ASCC3: variants seen among roughly 807,000 people sequenced by gnomAD.
The protein encoded by ASCC3 is activating signal cointegrator 1 complex subunit 3.
In ASCC3, 158 loss-of-function variants were observed where a neutral mutation model predicts 256.3. The observed-to-expected ratio is 0.62, with a 90% CI of 0.54 to 0.70. The LOEUF (loss-of-function observed/expected upper bound fraction) is 0.70. Among genes scored for constraint, ASCC3 ranks in the 30% least tolerant of loss-of-function variants. The pLI is 0.00. For synonymous variants in ASCC3, 948 were observed against 883.4 expected, an observed-to-expected ratio of 1.07 and a Z score of -1.30; for missense variants, 2,259 against 2,626.0, an observed-to-expected ratio of 0.86 and a Z score of 3.05.
chr6:100,693,618 A>G (rs2114988032), intron 13 of ASCC3, among the ~76,000 whole-genome samples: 1 of 152,278 alleles, frequency 6.6e-6, no homozygotes, highest in East Asian at 1.9e-4. Flanking sequence ...ACCAAAAGGG[A>G]AAACTGCTGA....
intron 10 of ASCC3, among the ~76,000 whole-genome samples, chr6:100,727,118 T>G (rs1182416753): frequency 2.0e-5 from 3 of 152,132 alleles, no homozygotes; most frequent in African/African-American, 7.2e-5. Context: ...TACACTATTT[T>G]GTTTTCTACA....
At chr6:100,698,978 T>C (rs147115579) in intron 13 of ASCC3, among the ~76,000 whole-genome samples, 3 of 152,214 alleles carry the variant, frequency 2.0e-5, no homozygotes, top group African/African-American at 7.2e-5. Context: ...GGTGAGGCCA[T>C]GGGAATAGGG....
intron 36 of ASCC3, among the ~76,000 whole-genome samples, chr6:100,581,104 G>A (rs10872597): frequency 0.064 from 9,763 of 152,074 alleles, 742 homozygotes; most frequent in East Asian, 0.3. Context: ...CCCAGTAATG[G>A]GATGGCTGGG....
intron 4 of ASCC3, among the ~76,000 whole-genome samples, chr6:100,810,867 A>C (rs1403529271): frequency 6.6e-6 from 1 of 152,186 alleles, no homozygotes; most frequent in Non-Finnish European, 1.5e-5. Flanking sequence ...TAAGATTCCT[A>C]AAAAGCTGAT....
intron 4 of ASCC3, among the ~76,000 whole-genome samples, chr6:100,834,816 T>C (rs143586145): frequency 5.7e-4 from 87 of 152,240 alleles, no homozygotes; most frequent in Admixed American, 1.4e-3. Flanking sequence ...AAATTGGTAA[T>C]TGAAGTTGGT....
rs756777385 is a variant in ASCC3 at position 100,540,193 on chromosome 6, T to C, written c.5745A>G (p.Thr1915=). Residue 1915 remains threonine (T), a synonymous_variant, in exon 37 of 42, where the codon ACA becomes ACG. Coordinates refer to ENST00000369162, the MANE Select transcript of ASCC3 (RefSeq NM_006828.4). Reference sequence around the variant, plus strand: ...ATACTCTGAGAGCTTGGTCCAAGACTGTTTTGGTATCAGTGTCATAATCTG... The same window carrying C: ...ATACTCTGAGAGCTTGGTCCAAGACCGTTTTGGTATCAGTGTCATAATCTG... ...PCPDYDTDTK[T]VLDQALRVCQ... 2.5e-6 allele frequency: 4 copies of C among 1,614,144 alleles called. No homozygotes were observed. Among genetic ancestry groups the C allele is most frequent in the Admixed American group, 3.3e-5 (2 of 60,026 alleles).
At chr6:100,808,523 T>A (rs1044571656) in intron 4 of ASCC3, among the ~76,000 whole-genome samples, 1 of 151,974 alleles carries the variant, frequency 6.6e-6, no homozygotes, top group Non-Finnish European at 1.5e-5. Context: ...AAACCAAAAA[T>A]ATATATCATA....
At chr6:100,562,830 T>A (rs942009080) in intron 36 of ASCC3, among the ~76,000 whole-genome samples, 2 of 152,068 alleles carry the variant, frequency 1.3e-5, no homozygotes, top group African/African-American at 4.8e-5. Flanking sequence ...TTGATAGATA[T>A]CAAATTTCCA....
intron 24 of ASCC3, among the ~76,000 whole-genome samples, chr6:100,640,155 G>A (rs115801242): frequency 0.015 from 2,269 of 152,028 alleles, 43 homozygotes; most frequent in African/African-American, 0.052. Context: ...AGAGAAGGAA[G>A]GAGGGGAGGC....
In ASCC3 at chr6:100,572,734, T is replaced by C. The variant is rs149291064; in HGVS notation, c.5550+16900A>G. Among the ~76,000 whole-genome samples the C allele has an allele frequency of 7.9e-5, 12 of 152,280 alleles. No individual in the cohort carries two copies. The East Asian group carries it at 1.7e-3, about 22-fold the overall frequency. ...ATTTTTGTCCTAATCTGTGTTAACATAGTTGTTGTTGTTGTTGTTTAAAGT... is the reference window on the plus strand; with the variant it reads ...ATTTTTGTCCTAATCTGTGTTAACACAGTTGTTGTTGTTGTTGTTTAAAGT... On this transcript the variant is annotated intron_variant, in intron 36 of 41. Coordinates refer to ENST00000369162, the MANE Select transcript of ASCC3 (RefSeq NM_006828.4).
In ASCC3 at chr6:100,527,815, T is replaced by TAC. The variant is rs549353641; in HGVS notation, c.5776-9675_5776-9674dup. On this transcript the variant is annotated intron_variant, in intron 37 of 41. Coordinates refer to ENST00000369162, the MANE Select transcript of ASCC3 (RefSeq NM_006828.4). ...ACTCTACTGTGTGTATCCATAGATA[T>TAC]ACACACACATCTTCTTTGTTTTTTT... 9.5e-4 allele frequency among the ~76,000 whole-genome samples: 144 copies of TAC among 152,138 alleles called. 1 individual carries two copies. The highest frequency in any genetic ancestry group is 1.8e-3 in the Non-Finnish European group (120 of 67,996).
intron 8 of ASCC3, among the ~76,000 whole-genome samples, chr6:100,794,845 C>T (rs2114318801): frequency 6.6e-6 from 1 of 152,042 alleles, no homozygotes; most frequent in Non-Finnish European, 1.5e-5. Context: ...AATCTAAGTC[C>T]TAACTGTGGA....
At chr6:100,867,034 A>G (rs1396795674) in intron 2 of ASCC3, among the ~76,000 whole-genome samples, 1 of 152,246 alleles carries the variant, frequency 6.6e-6, no homozygotes, top group Non-Finnish European at 1.5e-5. Context: ...TAAGACTTAT[A>G]TAAGTTTATC....
At chr6:100,518,229 A>C (rs767319936) in intron 37 of ASCC3, 87 bp from the exon 38 acceptor site, 1 of 1,416,492 alleles carries the variant, frequency 7.1e-7, no homozygotes, top group Non-Finnish European at 9.8e-7. Context: ...TTTAACAAAA[A>C]ACAAAGAAAC....
chr6:100,608,118 C>CTATATATACATATATATACA (rs1773047175), intron 30 of ASCC3, among the ~76,000 whole-genome samples: 1 of 23,350 alleles, frequency 4.3e-5, no homozygotes, highest in East Asian at 9.5e-4. Flanking sequence ...GTATATATAT[C>CTATATATACATATATATACA]TATATATACA....
In ASCC3 at chr6:100,715,388, T is replaced by C. The variant is rs758096591; in HGVS notation, c.2151+74A>G. ...AAAATTTTCTTCTGAAGAGCGTAAA[T>C]ATTAATAATTTTTATCATTAAGCAC... is the stretch of plus-strand genomic sequence containing the variant. On this transcript the variant is annotated intron_variant, in intron 13 of 41. Coordinates refer to ENST00000369162, the MANE Select transcript of ASCC3 (RefSeq NM_006828.4). The C allele has an allele frequency of 1.1e-5, 14 of 1,328,054 alleles. No individual in the cohort carries two copies. In the African/African-American group the frequency reaches 1.6e-4, roughly 15 times the overall value. 82.3% of individuals were successfully genotyped at this position (1,328,054 alleles called of 1,614,324 possible).
At chr6:100,857,215 G>T (rs1344864680) in intron 3 of ASCC3, 3 of 152,050 alleles carry the variant, frequency 2.0e-5, no homozygotes, top group Admixed American at 2.0e-4. Flanking sequence ...TGAAGTCCTT[G>T]TTCAAAGCTC....
Position 100,638,411 on chromosome 6 carries a change from A to G in ASCC3, c.4122+190T>C, listed in dbSNP as rs181720818. On this transcript the variant is annotated intron_variant, in intron 25 of 41. Transcript: ENST00000369162. Reference sequence around the variant, plus strand: ...GACTTGCTTTATTGTGACATTCACTATATTGTGGTAGTATATAACCAAACT... The same window carrying G: ...GACTTGCTTTATTGTGACATTCACTGTATTGTGGTAGTATATAACCAAACT... Among the ~76,000 whole-genome samples the G allele has an allele frequency of 3.3e-5, 5 of 152,312 alleles. No individual in the cohort carries two copies. In the East Asian group the frequency reaches 9.6e-4, roughly 29 times the overall value.
At chr6:100,702,889 T>A (rs564302019) in intron 13 of ASCC3, among the ~76,000 whole-genome samples, 1 of 152,258 alleles carries the variant, frequency 6.6e-6, no homozygotes, top group East Asian at 1.9e-4. Flanking sequence ...GATATTTAGT[T>A]AAAAATGTGC....
Sources: gnomAD v4.1 joint callset for allele counts (sites outside exome capture counted in the v4.1 genomes callset) on GRCh38, gnomAD v4.1.1 for gene constraint, MANE v1.5 for transcripts, NCBI Gene and HGNC (gene_info 2026-07-23, HGNC 2026-07-21) for gene names.